NLGN1: variants seen among roughly 807,000 people sequenced by gnomAD.
NLGN1 encodes the protein neuroligin 1.
In NLGN1, 12 loss-of-function variants were observed where a neutral mutation model predicts 65.5. The observed-to-expected ratio is 0.18, with a 90% CI of 0.12 to 0.30. The LOEUF (loss-of-function observed/expected upper bound fraction) is 0.30. Among genes scored for constraint, NLGN1 ranks in the 10% least tolerant of loss-of-function variants. NLGN1 has a pLI of 1.00. For missense variants in NLGN1, 750 were observed against 1,007.1 expected (o/e 0.74, Z 3.46); for synonymous variants, 350 against 359.5 (o/e 0.97, Z 0.30).
chr3:173,435,252 A>G (rs952024816), intron 2 of NLGN1, among the ~76,000 whole-genome samples: 2 of 152,174 alleles, frequency 1.3e-5, no homozygotes, highest in African/African-American at 4.8e-5. Context: ...TTAGCCATAC[A>G]ATATGCAGTA....
At chr3:174,120,286 G>A (rs1717473576) in intron 4 of NLGN1, among the ~76,000 whole-genome samples, 1 of 151,878 alleles carries the variant, frequency 6.6e-6, no homozygotes, top group Admixed American at 6.6e-5. Flanking sequence ...AGGAGTTTGA[G>A]ATCAGCCTGG....
intron 4 of NLGN1, chr3:173,915,136 A>T (rs1740472014): frequency 6.6e-6 from 1 of 152,248 alleles, no homozygotes; most frequent in Admixed American, 6.5e-5. Context: ...GGGGCCAGCT[A>T]CGCTGACTCT....
intron 3 of NLGN1, among the ~76,000 whole-genome samples, chr3:173,722,755 TC>T (rs1425719693): frequency 1.3e-5 from 2 of 152,158 alleles, no homozygotes; most frequent in Non-Finnish European, 2.9e-5. Context: ...AATATTACCA[TC>T]ATTAATGATA....
intron 4 of NLGN1, among the ~76,000 whole-genome samples, chr3:174,028,544 C>G (rs1729299611): frequency 6.6e-6 from 1 of 152,122 alleles, no homozygotes; most frequent in African/African-American, 2.4e-5. Flanking sequence ...TTCTAAGCAA[C>G]AAAGTGTTCA....
chr3:173,629,484 C>T (rs1451908566), intron 3 of NLGN1, among the ~76,000 whole-genome samples: 3 of 151,956 alleles, frequency 2.0e-5, no homozygotes, highest in Non-Finnish European at 2.9e-5. Context: ...TATTAATTAA[C>T]AATATTTTTA....
chr3:173,619,327 G>T lies in NLGN1; in HGVS notation c.493+14236G>T, dbSNP rs115368597. Among the ~76,000 whole-genome samples the T allele has an allele frequency of 8.3e-3, 1,260 of 152,218 alleles. 20 individuals are homozygous for T. Among genetic ancestry groups the T allele is most frequent in the African/African-American group, 0.029 (1,192 of 41,560 alleles). Reference sequence around the variant, plus strand: ...CATGTTGTAACTTTGGGAAATAAAAGATCTGTTCCTCTATTATTCTGTTAT... The same window carrying T: ...CATGTTGTAACTTTGGGAAATAAAATATCTGTTCCTCTATTATTCTGTTAT... On this transcript the variant is annotated intron_variant, in intron 3 of 6. Transcript: ENST00000457714.
intron 2 of NLGN1, among the ~76,000 whole-genome samples, chr3:173,543,429 G>T (rs1739224047): frequency 6.6e-6 from 1 of 152,088 alleles, no homozygotes; most frequent in Non-Finnish European, 1.5e-5. Flanking sequence ...CCTTTTTAAA[G>T]CAGTACATAA....
At chr3:173,869,327 C>T (rs947617674) in intron 4 of NLGN1, among the ~76,000 whole-genome samples, 5 of 152,058 alleles carry the variant, frequency 3.3e-5, no homozygotes, top group Admixed American at 3.3e-4. Context: ...AAAACAAGTT[C>T]TACATGTAAA....
intron 4 of NLGN1, among the ~76,000 whole-genome samples, chr3:174,208,925 G>T (rs1051401286): frequency 2.0e-5 from 3 of 152,050 alleles, no homozygotes; most frequent in Non-Finnish European, 2.9e-5. Flanking sequence ...CTTTTCTGTT[G>T]TTGTTGTTTC....
At chr3:173,796,923 A>G (rs552193073) in intron 3 of NLGN1, among the ~76,000 whole-genome samples, 55 of 152,260 alleles carry the variant, frequency 3.6e-4, no homozygotes, top group African/African-American at 1.2e-3. Flanking sequence ...ATTAATGCCA[A>G]TTACCTTTTA....
chr3:173,669,533 G>A (rs73880538), intron 3 of NLGN1, among the ~76,000 whole-genome samples: 3,806 of 152,160 alleles, frequency 0.025, 166 homozygotes, highest in African/African-American at 0.087. Flanking sequence ...TTTTTATATG[G>A]ATGTCAGTCA....
At chr3:173,505,948 T>C (rs1345652294) in intron 2 of NLGN1, among the ~76,000 whole-genome samples, 2 of 152,116 alleles carry the variant, frequency 1.3e-5, no homozygotes, top group Non-Finnish European at 2.9e-5. Flanking sequence ...GTTTAATGAA[T>C]GAACAAATGA....
chr3:173,988,302 A>G (rs1720376785), intron 4 of NLGN1, among the ~76,000 whole-genome samples: 1 of 152,100 alleles, frequency 6.6e-6, no homozygotes. Context: ...AAACCAGACC[A>G]TTGTTTAAAT....
chr3:173,906,753 A>T (rs572333098), intron 4 of NLGN1, among the ~76,000 whole-genome samples: 2 of 152,074 alleles, frequency 1.3e-5, no homozygotes, highest in Admixed American at 1.3e-4. Context: ...CAAGAGGCTG[A>T]CACAGGAGGA....
intron 4 of NLGN1, among the ~76,000 whole-genome samples, chr3:173,965,597 C>T (rs1161935696): frequency 2.0e-5 from 3 of 151,586 alleles, no homozygotes; most frequent in African/African-American, 4.8e-5. Context: ...GGATTACAGA[C>T]GTGAGCCACC....
chr3:173,515,473 A>G (rs1427474911), intron 2 of NLGN1, among the ~76,000 whole-genome samples: 1 of 152,078 alleles, frequency 6.6e-6, no homozygotes, highest in Admixed American at 6.6e-5. Context: ...TTTGATTTGC[A>G]GAAGATTTTT....
At chr3:174,231,590 C>G (rs759892623) in intron 4 of NLGN1, among the ~76,000 whole-genome samples, 51 of 152,156 alleles carry the variant, frequency 3.4e-4, no homozygotes, top group South Asian at 1.2e-3. Context: ...CCTTCTCAGG[C>G]CATATTTAGT....
chr3:173,644,877 G>C (rs1758002758), intron 3 of NLGN1, among the ~76,000 whole-genome samples: 1 of 152,268 alleles, frequency 6.6e-6, no homozygotes, highest in Non-Finnish European at 1.5e-5. Flanking sequence ...AAGGTGGGCA[G>C]GTGTTGAGGG....
intron 3 of NLGN1, among the ~76,000 whole-genome samples, chr3:173,720,390 T>C (rs563519555): frequency 2.5e-4 from 38 of 152,322 alleles, no homozygotes; most frequent in Middle Eastern, 3.4e-3. Context: ...TTTTTTGTCC[T>C]GTATTATAAA....
Sources: gnomAD v4.1 joint callset for allele counts (sites outside exome capture counted in the v4.1 genomes callset) on GRCh38, gnomAD v4.1.1 for gene constraint, MANE v1.5 for transcripts, NCBI Gene and HGNC (gene_info 2026-07-23, HGNC 2026-07-21) for gene names.